Variants in PPP3CC observed in about 807,000 individuals in gnomAD.
PPP3CC encodes the protein serine/threonine-protein phosphatase 2B catalytic subunit gamma isoform.
In PPP3CC, 35 loss-of-function variants were observed where a neutral mutation model predicts 60.3. The ratio of observed to expected loss-of-function variants is 0.58; its 90% CI spans 0.44 to 0.77. PPP3CC has a LOEUF of 0.77. Among genes scored for constraint, PPP3CC ranks in the 30% least tolerant of loss-of-function variants. PPP3CC has a pLI of 0.00. For missense variants in PPP3CC, 570 were observed against 628.9 expected (o/e 0.91, Z 1.00); for synonymous variants, 206 against 224.3 (o/e 0.92, Z 0.73).
At chr8:22,484,760 G>A (rs1838173403) in intron 3 of PPP3CC, among the ~76,000 whole-genome samples, 1 of 152,198 alleles carries the variant, frequency 6.6e-6, no homozygotes, top group African/African-American at 2.4e-5. Flanking sequence ...TTTTGCAAAG[G>A]AAAGAGCATG....
At chr8:22,510,588 A>G (rs1839057819) in intron 4 of PPP3CC, among the ~76,000 whole-genome samples, 1 of 152,224 alleles carries the variant, frequency 6.6e-6, no homozygotes, top group Non-Finnish European at 1.5e-5. Flanking sequence ...TGGTCCTCAC[A>G]GGAGTGCATA....
chr8:22,475,113 A>G lies in PPP3CC; in HGVS notation c.209A>G (p.Gln70Arg). 2 of 1,613,264 alleles carry G rather than the reference A, an allele frequency of 1.2e-6. No homozygotes were observed. Among genetic ancestry groups the G allele is most frequent in the Non-Finnish European group, 1.7e-6 (2 of 1,179,440 alleles). Reference sequence around the variant, plus strand: ...AATGATGGGGCTGCCATCCTGAGGCAAGAGAAGACTATGATAGAAGTAGAT... The same window carrying G: ...AATGATGGGGCTGCCATCCTGAGGCGAGAGAAGACTATGATAGAAGTAGAT... Reference protein sequence around the residue: ...IINDGAAILRQEKTMIEVDAP... With the variant: ...IINDGAAILRREKTMIEVDAP... The change falls in exon 2 of 14, where the codon CAA becomes CGA. Residue 70 changes from glutamine to arginine, a missense_variant. Transcript: ENST00000240139.
At chr8:22,476,225 GA>G (rs553322929) in intron 3 of PPP3CC, among the ~76,000 whole-genome samples, 28 of 152,160 alleles carry the variant, frequency 1.8e-4, no homozygotes, top group Non-Finnish European at 3.5e-4. Context: ...AACTACTTTA[GA>G]ACTTTATGCA....
intron 6 of PPP3CC, among the ~76,000 whole-genome samples, chr8:22,514,954 A>G (rs980579617): frequency 4.6e-5 from 7 of 152,158 alleles, no homozygotes; most frequent in African/African-American, 1.7e-4. Flanking sequence ...CTGGGATTAC[A>G]GGCATGAGCC....
chr8:22,470,527 G>A (rs543614972), intron 1 of PPP3CC, among the ~76,000 whole-genome samples: 10 of 152,086 alleles, frequency 6.6e-5, no homozygotes, highest in African/African-American at 2.4e-4. Context: ...TCTGATAAAG[G>A]ACATGTACCC....
intron 1 of PPP3CC, among the ~76,000 whole-genome samples, chr8:22,446,075 A>T (rs1836812747): frequency 6.6e-6 from 1 of 152,202 alleles, no homozygotes; most frequent in South Asian, 2.1e-4. Context: ...TTAAAATAGG[A>T]TTAAAAATTT....
At chr8:22,454,773 T>C (rs560883557) in intron 1 of PPP3CC, among the ~76,000 whole-genome samples, 1 of 152,274 alleles carries the variant, frequency 6.6e-6, no homozygotes, top group Non-Finnish European at 1.5e-5. Flanking sequence ...GTCTTAGATA[T>C]TGAAAGGATT....
chr8:22,466,971 C>G (rs2132455206), intron 1 of PPP3CC, among the ~76,000 whole-genome samples: 1 of 152,224 alleles, frequency 6.6e-6, no homozygotes, highest in Admixed American at 6.5e-5. Context: ...GTTTCGAACT[C>G]TTGGCTTCAA....
intron 1 of PPP3CC, among the ~76,000 whole-genome samples, chr8:22,448,457 G>A (rs1836904028): frequency 6.8e-6 from 1 of 146,454 alleles, no homozygotes; most frequent in South Asian, 2.2e-4. Flanking sequence ...TCGGCTCACC[G>A]CAACCTCTGC....
At chr8:22,511,800 C>T (rs982248330) in intron 5 of PPP3CC, among the ~76,000 whole-genome samples, 68 of 152,078 alleles carry the variant, frequency 4.5e-4, no homozygotes, top group African/African-American at 1.6e-3. Flanking sequence ...TGAATTATAT[C>T]GCAGTGCAAA....
intron 3 of PPP3CC, among the ~76,000 whole-genome samples, chr8:22,491,730 C>G (rs1295731287): frequency 6.6e-6 from 1 of 151,824 alleles, no homozygotes; most frequent in African/African-American, 2.4e-5. Context: ...TTTTTTAGAG[C>G]TAGTATTTTG....
In PPP3CC at chr8:22,498,068, A is replaced by C. The variant is rs753995074; in HGVS notation, c.440A>C (p.His147Pro). The change falls in exon 4 of 14, where the codon CAT (histidine) becomes CCT (proline). Residue 147 changes from histidine to proline, a missense_variant. His to Pro is a moderately conservative substitution (Grantham distance 77, BLOSUM62 -2). Coordinates refer to ENST00000240139, the MANE Select transcript of PPP3CC (RefSeq NM_005605.5). ...PKTLFLLRGN[H>P]ECRHLTDYFT... ...ACATTGTTTCTGCTTCGGGGAAATCATGAATGCAGGCATCTTACAGACTAT... is the reference window on the plus strand; with the variant it reads ...ACATTGTTTCTGCTTCGGGGAAATCCTGAATGCAGGCATCTTACAGACTAT... 4.3e-6 allele frequency: 7 copies of C among 1,613,148 alleles called. No individual in the cohort carries two copies. The highest frequency in any genetic ancestry group is 5.9e-6 in the Non-Finnish European group (7 of 1,179,370).
At chr8:22,527,823 C>T (rs1299713977) in intron 9 of PPP3CC, among the ~76,000 whole-genome samples, 2 of 152,048 alleles carry the variant, frequency 1.3e-5, no homozygotes, top group Non-Finnish European at 2.9e-5. Flanking sequence ...TTAGTAGAGA[C>T]AGGGTTTCAC....
chr8:22,484,047 GTGTT>G (rs1465579039), intron 3 of PPP3CC, among the ~76,000 whole-genome samples: 2 of 151,194 alleles, frequency 1.3e-5, no homozygotes, highest in African/African-American at 4.9e-5. Context: ...GGGTCTCACT[GTGTT>G]GTTCAGGCTG....
chr8:22,490,451 A>G (rs1015901254), intron 3 of PPP3CC, among the ~76,000 whole-genome samples: 1 of 151,780 alleles, frequency 6.6e-6, no homozygotes, highest in African/African-American at 2.4e-5. Flanking sequence ...CTTTTTTTAT[A>G]TTTATATATA....
chr8:22,515,913 CTTTATTTTATTTTATTTTATTTTAT>C lies in PPP3CC; in HGVS notation c.770+2500_770+2524del, dbSNP rs71206525. 1.3e-4 allele frequency among the ~76,000 whole-genome samples: 19 copies of C among 144,668 alleles called. No individual in the cohort carries two copies. In the East Asian group the frequency reaches 3.2e-3, roughly 25 times the overall value. 94.9% of individuals were successfully genotyped at this position (144,668 alleles called of 152,430 possible). On this transcript the variant is annotated intron_variant, in intron 6 of 13. Transcript: ENST00000240139. ...AAAAAGTCTTTTTTTCTTTCTTCTT[CTTTATTTTATTTTATTTTATTTTAT>C]TTTATTTTATTTTATTTTGAGACAA...
At chr8:22,444,886 G>A (rs929440703) in intron 1 of PPP3CC, among the ~76,000 whole-genome samples, 5 of 151,822 alleles carry the variant, frequency 3.3e-5, no homozygotes, top group African/African-American at 1.2e-4. Context: ...TCCTTTTCCT[G>A]TTTAAGGACA....
intron 3 of PPP3CC, among the ~76,000 whole-genome samples, chr8:22,483,841 TA>T (rs897292541): frequency 5.3e-5 from 8 of 152,160 alleles, no homozygotes; most frequent in Non-Finnish European, 8.8e-5. Context: ...ATCTTGTAAT[TA>T]AAAAAAATTT....
At chr8:22,467,904 G>T (rs1837595480) in intron 1 of PPP3CC, among the ~76,000 whole-genome samples, 1 of 152,128 alleles carries the variant, frequency 6.6e-6, no homozygotes, top group African/African-American at 2.4e-5. Context: ...GTGGCAGAAG[G>T]GACAAACAAG....
Sources: allele counts gnomAD v4.1 joint callset (sites outside exome capture counted in the v4.1 genomes callset), GRCh38; gene constraint gnomAD v4.1.1; transcripts MANE v1.5; gene names NCBI Gene and HGNC (gene_info 2026-07-23, HGNC 2026-07-21).